Variants in IKZF2 observed in about 807,000 individuals in gnomAD.
The protein encoded by IKZF2 is IKAROS family zinc finger 2, also known as zinc finger protein Helios.
Under a neutral mutation model 49.2 loss-of-function variants are expected in IKZF2, and 15 were observed. The ratio of observed to expected loss-of-function variants is 0.30; its 90% CI spans 0.20 to 0.47. The LOEUF is 0.47. Ranked by LOEUF, IKZF2 falls within the 20% of genes least tolerant of loss-of-function variation. The pLI is 1.00. For synonymous variants in IKZF2, 227 were observed against 221.4 expected (o/e 1.03, Z -0.23); for missense variants, 567 against 664.6 (o/e 0.85, Z 1.61).
chr2:213,098,211 G>T (rs1706244360), intron 4 of IKZF2, among the ~76,000 whole-genome samples: 2 of 152,088 alleles, frequency 1.3e-5, no homozygotes, highest in South Asian at 4.1e-4. Context: ...ATATCCAGAT[G>T]ATTCTAATGT....
chr2:213,002,023 C>T lies in IKZF2; in HGVS notation c.*5337G>A, dbSNP rs1694947012. Reference sequence around the variant, plus strand: ...ATAGTAGGGGATTCAGTGACCTCCACCTGCTCAAGAAGCTTTTCTTACTAT... The same window carrying T: ...ATAGTAGGGGATTCAGTGACCTCCATCTGCTCAAGAAGCTTTTCTTACTAT... On this transcript the variant is annotated 3_prime_UTR_variant, in exon 9 of 9. Transcript: ENST00000434687. 6.6e-6 allele frequency: 1 copy of T among 151,446 alleles called. No individual in the cohort carries two copies. Among genetic ancestry groups the T allele is most frequent in the Non-Finnish European group, 1.5e-5 (1 of 67,554 alleles). 9.4% of individuals were successfully genotyped at this position (151,446 alleles called of 1,614,324 possible).
intron 6 of IKZF2, among the ~76,000 whole-genome samples, chr2:213,034,131 C>T (rs567102387): frequency 6.6e-6 from 1 of 152,202 alleles, no homozygotes; most frequent in East Asian, 1.9e-4. Flanking sequence ...CCTCACATCT[C>T]GTGGCCTTCA....
chr2:213,054,437 C>T (rs1315278472), intron 5 of IKZF2, among the ~76,000 whole-genome samples: 1 of 152,126 alleles, frequency 6.6e-6, no homozygotes, highest in Non-Finnish European at 1.5e-5. Context: ...ATTCTGACTA[C>T]ATTTTTCTCA....
At chr2:213,115,263 A>G (rs1371463258) in intron 4 of IKZF2, among the ~76,000 whole-genome samples, 1 of 135,832 alleles carries the variant, frequency 7.4e-6, no homozygotes, top group Admixed American at 8.5e-5. Context: ...AATGTCTTAA[A>G]TATGAAACGA....
Position 213,087,783 on chromosome 2 carries a change from A to G in IKZF2, c.140-30684T>C, listed in dbSNP as rs1467105730. ...TTTCTGTCCTTGCGATAGTTTGCTC[A>G]TAATGATGGTTTCCAGCTTCATCCA... is the stretch of plus-strand genomic sequence containing the variant. On this transcript the variant is annotated intron_variant, in intron 4 of 8. Coordinates refer to ENST00000434687, the MANE Select transcript of IKZF2 (RefSeq NM_001387220.1). Among the ~76,000 whole-genome samples, 4 of 152,182 alleles carry G rather than the reference A, an allele frequency of 2.6e-5. 1 individual carries two copies. The highest frequency in any genetic ancestry group is 7.2e-5 in the African/African-American group (3 of 41,446).
chr2:213,116,850 A>G (rs892802912), intron 4 of IKZF2, among the ~76,000 whole-genome samples: 3 of 152,192 alleles, frequency 2.0e-5, no homozygotes, highest in Non-Finnish European at 2.9e-5. Flanking sequence ...CTTCTCCTTA[A>G]TTAACCTGCA....
chr2:213,106,924 T>A (rs1427759670), intron 4 of IKZF2, among the ~76,000 whole-genome samples: 1 of 152,208 alleles, frequency 6.6e-6, no homozygotes, highest in Non-Finnish European at 1.5e-5. Flanking sequence ...ATTTTAATTT[T>A]AATTTAAAAT....
intron 4 of IKZF2, among the ~76,000 whole-genome samples, chr2:213,103,813 A>T (rs1282085157): frequency 6.9e-6 from 1 of 144,738 alleles, no homozygotes; most frequent in African/African-American, 2.6e-5. Context: ...ATAAAGCTCA[A>T]ATAATCTCAC....
At position 213,150,209 on chromosome 2, in the gene IKZF2, C is replaced by G; in HGVS notation, c.-81G>C. On this transcript the variant is annotated 5_prime_UTR_variant, in exon 2 of 9. Transcript: ENST00000434687. Reference sequence around the variant, plus strand: ...TTCCAGCTCTGTCGGGAGATCTCAGCTTCTTCTAACCCCTCAAAGAGGAGG... The same window carrying G: ...TTCCAGCTCTGTCGGGAGATCTCAGGTTCTTCTAACCCCTCAAAGAGGAGG... 1 of 1,284,292 alleles carries G rather than the reference C, an allele frequency of 7.8e-7. No individual in the cohort carries two copies. Among genetic ancestry groups the G allele is most frequent in the Non-Finnish European group, 1.0e-6 (1 of 978,162 alleles). The allele number at this position is 1,284,292 out of a possible 1,614,324, so 79.6% of individuals were successfully genotyped here. A position where few individuals can be genotyped will look rare whatever the true frequency, so the allele number is the denominator to read the frequency against.
intron 4 of IKZF2, among the ~76,000 whole-genome samples, chr2:213,062,443 T>A (rs1701784644): frequency 1.3e-5 from 2 of 151,844 alleles, no homozygotes; most frequent in South Asian, 4.1e-4. Flanking sequence ...TTCTATGAAA[T>A]TGGTGACTTA....
intron 4 of IKZF2, among the ~76,000 whole-genome samples, chr2:213,132,524 A>G (rs1261635676): frequency 6.6e-6 from 1 of 152,208 alleles, no homozygotes; most frequent in Non-Finnish European, 1.5e-5. Context: ...TGGGGTATGT[A>G]TATGTGGTTC....
At chr2:213,033,751 T>A (rs1415139373) in intron 6 of IKZF2, among the ~76,000 whole-genome samples, 2 of 152,240 alleles carry the variant, frequency 1.3e-5, no homozygotes, top group African/African-American at 4.8e-5. Flanking sequence ...AGAGTAGATA[T>A]AGCATAATTC....
Position 212,999,978 on chromosome 2 carries a change from A to C in IKZF2, c.*7382T>G, listed in dbSNP as rs1400265973. The C allele has an allele frequency of 6.6e-6, 1 of 152,080 alleles. No individual in the cohort carries two copies. The highest frequency in any genetic ancestry group is 1.5e-5 in the Non-Finnish European group (1 of 67,730). 9.4% of individuals were successfully genotyped at this position (152,080 alleles called of 1,614,324 possible). On this transcript the variant is annotated 3_prime_UTR_variant, in exon 9 of 9. Coordinates refer to ENST00000434687, the MANE Select transcript of IKZF2 (RefSeq NM_001387220.1). ...ATACAACACTCATACACATATACAC[A>C]GTAACCACATACATGCACAGAACAT...
chr2:213,051,077 T>C (rs901495405), intron 5 of IKZF2, among the ~76,000 whole-genome samples: 6 of 152,072 alleles, frequency 3.9e-5, no homozygotes, highest in African/African-American at 1.4e-4. Flanking sequence ...GTTTCATATA[T>C]CTTTAACTGA....
intron 4 of IKZF2, among the ~76,000 whole-genome samples, chr2:213,125,005 T>C (rs1383848097): frequency 1.3e-5 from 2 of 152,230 alleles, no homozygotes; most frequent in Non-Finnish European, 2.9e-5. Flanking sequence ...TTTCCCCTAA[T>C]AGAATGGCTA....
intron 6 of IKZF2, among the ~76,000 whole-genome samples, chr2:213,024,643 T>G (rs1697609336): frequency 6.6e-6 from 1 of 152,002 alleles, no homozygotes; most frequent in Non-Finnish European, 1.5e-5. Context: ...AGGCAGGATT[T>G]CAGGATTTCT....
intron 8 of IKZF2, among the ~76,000 whole-genome samples, chr2:213,010,362 A>T (rs181358044): frequency 1.3e-5 from 2 of 152,066 alleles, no homozygotes; most frequent in African/African-American, 4.8e-5. Context: ...CTGCCTACTC[A>T]TAGATCAGGG....
At chr2:213,017,187 A>G (rs1382264547) in intron 7 of IKZF2, 1 of 152,054 alleles carries the variant, frequency 6.6e-6, no homozygotes, top group East Asian at 1.9e-4. Flanking sequence ...TTTTCCTGCT[A>G]GTGTGTTCTT....
intron 6 of IKZF2, among the ~76,000 whole-genome samples, chr2:213,027,484 A>G (rs113847508): frequency 1.3e-4 from 20 of 152,288 alleles, no homozygotes; most frequent in African/African-American, 4.6e-4. Context: ...CTCAGAGTCC[A>G]GAACAATGTC....
Sources: allele counts gnomAD v4.1 joint callset (sites outside exome capture counted in the v4.1 genomes callset), GRCh38; gene constraint gnomAD v4.1.1; transcripts MANE v1.5; gene names NCBI Gene and HGNC (gene_info 2026-07-23, HGNC 2026-07-21).